The following COLEC11 variants were observed in gnomAD, a reference collection of about 807,000 sequenced individuals.
COLEC11 encodes collectin-11.
Under a neutral mutation model 27.3 loss-of-function variants are expected in COLEC11, and 20 were observed. The observed-to-expected ratio is 0.73, with a 90% CI of 0.51 to 1.06. COLEC11 has a LOEUF of 1.06. Among genes scored for constraint, COLEC11 ranks in the 50% least tolerant of loss-of-function variants. The pLI, the probability that COLEC11 is intolerant of heterozygous loss-of-function variation, is 0.00. For synonymous variants in COLEC11, 163 were observed against 154.7 expected, an observed-to-expected ratio of 1.05 and a Z score of -0.40; for missense variants, 310 against 383.0, an observed-to-expected ratio of 0.81 and a Z score of 1.59.
At chr2:3,597,098 TC>T (rs1165913471) in intron 1 of COLEC11, among the ~76,000 whole-genome samples, 7 of 152,148 alleles carry the variant, frequency 4.6e-5, no homozygotes, top group African/African-American at 1.7e-4. Flanking sequence ...CCTGGGCTGT[TC>T]CGGGGATCAG....
At chr2:3,598,506 G>A (rs956258229) in intron 1 of COLEC11, among the ~76,000 whole-genome samples, 2 of 152,244 alleles carry the variant, frequency 1.3e-5, no homozygotes, top group East Asian at 1.9e-4. Flanking sequence ...AGACCTTTAC[G>A]AAGCTGTAGC....
rs139025999 is a variant in COLEC11, at chr2:3,618,966, T to C, written c.202+5584T>C. On this transcript the variant is annotated intron_variant, in intron 3 of 6. Transcript: ENST00000349077. ...GTTTCCTTAATTTTTTTCAGGTGGC[T>C]CATTGTTAGTGTATAGAAATGCTGC... Among the ~76,000 whole-genome samples, 7 of 152,354 alleles carry C rather than the reference T, an allele frequency of 4.6e-5. No individual in the cohort carries two copies. The South Asian group carries it at 6.2e-4, about 14-fold the overall frequency.
intron 1 of COLEC11, 25 bp from the exon 2 acceptor site, chr2:3,604,290 A>C (rs772406631): frequency 2.5e-6 from 4 of 1,613,188 alleles, no homozygotes; most frequent in Non-Finnish European, 3.4e-6. Flanking sequence ...AGTTCCCATC[A>C]CTGTTTATTC....
chr2:3,639,000 A>G (rs1001273811), intron 4 of COLEC11, among the ~76,000 whole-genome samples: 6 of 152,114 alleles, frequency 3.9e-5, no homozygotes, highest in African/African-American at 7.2e-5. Flanking sequence ...GTAACCTCCA[A>G]TCTACTTCCT....
intron 2 of COLEC11, among the ~76,000 whole-genome samples, chr2:3,608,001 C>T (rs913291727): frequency 1.8e-4 from 28 of 152,196 alleles, no homozygotes; most frequent in African/African-American, 6.5e-4. Flanking sequence ...CGCTGGCACA[C>T]GAGTTTGTTC....
intron 2 of COLEC11, among the ~76,000 whole-genome samples, chr2:3,604,802 A>G (rs1489742025): frequency 2.6e-5 from 4 of 152,150 alleles, no homozygotes; most frequent in African/African-American, 9.7e-5. Flanking sequence ...CATGTGGACC[A>G]TTTTACAGAT....
chr2:3,608,937 T>C (rs1013379071), intron 2 of COLEC11, among the ~76,000 whole-genome samples: 22 of 152,196 alleles, frequency 1.4e-4, no homozygotes, highest in Non-Finnish European at 1.5e-5. Context: ...TCAATCCCCA[T>C]CAGAGCTGAG....
intron 2 of COLEC11, chr2:3,605,234 A>G: frequency 9.9e-6 from 4 of 403,882 alleles, no homozygotes; most frequent in South Asian, 7.5e-5. Context: ...GTCGGGTGGC[A>G]GGGCCGGGGC....
chr2:3,614,651 G>A (rs1008415928), intron 3 of COLEC11, among the ~76,000 whole-genome samples: 4 of 152,054 alleles, frequency 2.6e-5, no homozygotes, highest in Non-Finnish European at 4.4e-5. Context: ...AATACAGAAG[G>A]ACAGGATGAC....
chr2:3,625,487 G>A (rs1269610585), intron 3 of COLEC11, among the ~76,000 whole-genome samples: 3 of 152,096 alleles, frequency 2.0e-5, no homozygotes, highest in Non-Finnish European at 4.4e-5. Context: ...AGACAGGGAG[G>A]GCTAGGAGTC....
rs569237390 is a variant in COLEC11, at chr2:3,637,719, G to A, written c.274+115G>A. Reference sequence around the variant, plus strand: ...TCGTCTGGTGCTCTTATTTATATTCGGTGCATGGTAGATAAGAAATCTACT... The same window carrying A: ...TCGTCTGGTGCTCTTATTTATATTCAGTGCATGGTAGATAAGAAATCTACT... On this transcript the variant is annotated intron_variant, in intron 4 of 6. Transcript: ENST00000349077. 62 of 868,124 alleles carry A rather than the reference G, an allele frequency of 7.1e-5. No homozygotes were observed. In the African/African-American group the frequency reaches 7.6e-4, roughly 11 times the overall value. 53.8% of individuals were successfully genotyped at this position (868,124 alleles called of 1,614,324 possible).
At chr2:3,616,724 G>A (rs772456432) in intron 3 of COLEC11, among the ~76,000 whole-genome samples, 11 of 152,112 alleles carry the variant, frequency 7.2e-5, no homozygotes, top group Admixed American at 1.3e-4. Flanking sequence ...GTCCAGCTTC[G>A]GCTCAGCATC....
intron 3 of COLEC11, among the ~76,000 whole-genome samples, chr2:3,614,311 C>G (rs1663487488): frequency 6.6e-6 from 1 of 151,876 alleles, no homozygotes; most frequent in South Asian, 2.1e-4. Flanking sequence ...GTTAGCCAAC[C>G]CCCCAACCAA....
chr2:3,597,255 CA>C (rs1182993512), intron 1 of COLEC11, among the ~76,000 whole-genome samples: 2 of 151,142 alleles, frequency 1.3e-5, no homozygotes, highest in East Asian at 2.0e-4. Context: ...CGAGAAATCC[CA>C]GCCTGGGCTG....
chr2:3,628,944 C>T lies in COLEC11; in HGVS notation c.203-8589C>T, dbSNP rs1438300570. Among the ~76,000 whole-genome samples the T allele has an allele frequency of 2.6e-5, 4 of 152,268 alleles. No homozygotes were observed. The East Asian group carries it at 7.7e-4, about 29-fold the overall frequency. Reference sequence around the variant, plus strand: ...GTGCCGGGTGCCACAGCCAGAAGCTCCTATGGCAGAGAGGGAAGGGATCCA... The same window carrying T: ...GTGCCGGGTGCCACAGCCAGAAGCTTCTATGGCAGAGAGGGAAGGGATCCA... On this transcript the variant is annotated intron_variant, in intron 3 of 6. Transcript: ENST00000349077.
At chr2:3,619,513 A>G (rs1664027494) in intron 3 of COLEC11, among the ~76,000 whole-genome samples, 1 of 152,232 alleles carries the variant, frequency 6.6e-6, no homozygotes, top group Non-Finnish European at 1.5e-5. Context: ...TTCTTTCAGC[A>G]TCTACTGATG....
rs776736450 is a variant in COLEC11, at chr2:3,604,394, A to G, written c.54A>G (p.Ser18=). Residue 18 remains serine (S), a synonymous_variant, in exon 2 of 7, where the codon TCA becomes TCG. Coordinates refer to ENST00000349077, the MANE Select transcript of COLEC11 (RefSeq NM_024027.5). ...VGVLISLAFL[S]LLPSGHPQPA... ...TTCTAATCAGCCTGGCCTTCCTGTC[A>G]CTGCTGCCATCTGGACATCCTCAGC... 3 of 1,614,158 alleles carry G rather than the reference A, an allele frequency of 1.9e-6. No individual in the cohort carries two copies. The East Asian group carries it at 6.7e-5, about 36-fold the overall frequency.
chr2:3,634,502 G>A (rs1209295566), intron 3 of COLEC11, among the ~76,000 whole-genome samples: 1 of 152,152 alleles, frequency 6.6e-6, no homozygotes, highest in Non-Finnish European at 1.5e-5. Flanking sequence ...ATATTCCAGG[G>A]AGAACTGCAA....
chr2:3,617,460 C>T lies in COLEC11; in HGVS notation c.202+4078C>T, dbSNP rs140777479. On this transcript the variant is annotated intron_variant, in intron 3 of 6. Coordinates refer to ENST00000349077, the MANE Select transcript of COLEC11 (RefSeq NM_024027.5). ...ATTTAAACTTGATCCAATCTCTTTG[C>T]ATCTTACAAAGCTAAACAGCTAAAA... is the stretch of plus-strand genomic sequence containing the variant. 7.0e-5 allele frequency: 91 copies of T among 1,295,800 alleles called. No individual in the cohort carries two copies. The African/African-American group carries it at 1.3e-3, about 19-fold the overall frequency. The allele number at this position is 1,295,800 out of a possible 1,614,324, so 80.3% of individuals were successfully genotyped here. A position where few individuals can be genotyped will look rare whatever the true frequency, so the allele number is the denominator to read the frequency against.
Sources: allele counts gnomAD v4.1 joint callset (sites outside exome capture counted in the v4.1 genomes callset), GRCh38; gene constraint gnomAD v4.1.1; transcripts MANE v1.5; gene names NCBI Gene and HGNC (gene_info 2026-07-23, HGNC 2026-07-21).